Variants in ARK2C observed in about 807,000 individuals in gnomAD.
ARK2C encodes E3 ubiquitin-protein ligase ARK2C.
At chr18:46,451,600 A>G in the ARK2C span, among the ~76,000 whole-genome samples, 1 of 152,130 alleles carries the variant, frequency 6.6e-6, no homozygotes, top group African/African-American at 2.4e-5. Context: ...TTCAAGACCA[A>G]CCTGAGCAAA....
At chr18:46,421,465 G>T in the ARK2C span, among the ~76,000 whole-genome samples, 1 of 152,198 alleles carries the variant, frequency 6.6e-6, no homozygotes, top group Non-Finnish European at 1.5e-5. Flanking sequence ...ACAGACCTAG[G>T]CTCTGCCTTC....
At chr18:46,411,759 G>A in the ARK2C span, among the ~76,000 whole-genome samples, 1 of 152,224 alleles carries the variant, frequency 6.6e-6, no homozygotes, top group Non-Finnish European at 1.5e-5. Flanking sequence ...CTCACCCAAT[G>A]TGAACAAAAG....
the ARK2C span, among the ~76,000 whole-genome samples, chr18:46,422,598 T>C: frequency 1.3e-3 from 202 of 152,372 alleles, 1 homozygote; most frequent in Middle Eastern, 6.8e-3. Flanking sequence ...GCCATGCTTC[T>C]TCCCCCCGAC....
the ARK2C span, among the ~76,000 whole-genome samples, chr18:46,453,052 T>C: frequency 6.6e-6 from 1 of 152,220 alleles, no homozygotes; most frequent in African/African-American, 2.4e-5. Context: ...TGCTGATACC[T>C]TGATGCTTTT....
chr18:46,386,118 G>T, the ARK2C span: 1 of 152,230 alleles, frequency 6.6e-6, no homozygotes, highest in East Asian at 1.9e-4. Context: ...AGGCCCATCT[G>T]TCCAGGGGCC....
the ARK2C span, among the ~76,000 whole-genome samples, chr18:46,346,351 C>A: frequency 2.6e-5 from 4 of 152,232 alleles, no homozygotes; most frequent in East Asian, 7.7e-4. Context: ...AGTGGCATTA[C>A]GTACATTCAC....
the ARK2C span, among the ~76,000 whole-genome samples, chr18:46,368,691 T>C: frequency 3.7e-4 from 56 of 152,260 alleles, 1 homozygote; most frequent in South Asian, 0.012. Context: ...GCATCAGGAG[T>C]GAGCAGCACA....
chr18:46,414,213 G>C, the ARK2C span, among the ~76,000 whole-genome samples: 1 of 152,234 alleles, frequency 6.6e-6, no homozygotes, highest in African/African-American at 2.4e-5. Flanking sequence ...TGATTAAGAC[G>C]GGACCTGAAC....
the ARK2C span, among the ~76,000 whole-genome samples, chr18:46,454,110 C>CAAAAAAAAAA: frequency 1.2e-4 from 2 of 16,628 alleles, no homozygotes; most frequent in African/African-American, 1.6e-4. Flanking sequence ...AAGGCCGTCT[C>CAAAAAAAAAA]AAAAAAAAAA....
the ARK2C span, among the ~76,000 whole-genome samples, chr18:46,410,485 A>T: frequency 6.6e-6 from 1 of 152,218 alleles, no homozygotes; most frequent in African/African-American, 2.4e-5. Flanking sequence ...CAAACTCACC[A>T]TCCAGGGTTG....
At chr18:46,419,244 G>A in the ARK2C span, among the ~76,000 whole-genome samples, 3 of 152,170 alleles carry the variant, frequency 2.0e-5, no homozygotes, top group Non-Finnish European at 2.9e-5. Context: ...GGAGGTGCAG[G>A]TGCTCTCAGA....
the ARK2C span, among the ~76,000 whole-genome samples, chr18:46,423,777 T>C: frequency 1.3e-5 from 2 of 152,216 alleles, no homozygotes; most frequent in Non-Finnish European, 2.9e-5. Flanking sequence ...CTGTGTGATC[T>C]CTGCACTTCA....
chr18:46,401,984 C>T, the ARK2C span, among the ~76,000 whole-genome samples: 19 of 152,214 alleles, frequency 1.2e-4, no homozygotes, highest in African/African-American at 4.3e-4. Flanking sequence ...CAGAAAACCT[C>T]TCCTCACTGC....
chr18:46,385,313 G>T, the ARK2C span, among the ~76,000 whole-genome samples: 1 of 152,212 alleles, frequency 6.6e-6, no homozygotes, highest in African/African-American at 2.4e-5. Context: ...GGCTTGTGAG[G>T]ACAAGTGGGT....
the ARK2C span, among the ~76,000 whole-genome samples, chr18:46,427,522 C>T: frequency 2.6e-5 from 4 of 152,242 alleles, no homozygotes; most frequent in Admixed American, 2.6e-4. Flanking sequence ...TACTGGCCAG[C>T]TCTGCCTGAC....
chr18:46,406,956 A>G, the ARK2C span, among the ~76,000 whole-genome samples: 2 of 151,788 alleles, frequency 1.3e-5, no homozygotes, highest in African/African-American at 4.8e-5. Flanking sequence ...GATCACCCTC[A>G]TCATGTCCCT....
chr18:46,414,229 C>T, the ARK2C span, among the ~76,000 whole-genome samples: 14 of 152,228 alleles, frequency 9.2e-5, no homozygotes, highest in Non-Finnish European at 1.6e-4. Context: ...TGAACACAAC[C>T]TGCCTGACTC....
At chr18:46,411,575 T>C in the ARK2C span, among the ~76,000 whole-genome samples, 2 of 152,222 alleles carry the variant, frequency 1.3e-5, no homozygotes, top group Non-Finnish European at 1.5e-5. Flanking sequence ...AGGTTCTGCC[T>C]CACGGAGTTG....
the ARK2C span, chr18:46,450,724 C>G: frequency 6.2e-7 from 1 of 1,613,850 alleles, no homozygotes; most frequent in African/African-American, 1.3e-5. Context: ...AGCTCGAGGA[C>G]AGGTTGGGTA....
Sources: allele counts gnomAD v4.1 joint callset (sites outside exome capture counted in the v4.1 genomes callset), GRCh38; gene constraint gnomAD v4.1.1; transcripts MANE v1.5; gene names NCBI Gene and HGNC (gene_info 2026-07-23, HGNC 2026-07-21).